Variants in GMDS observed in about 807,000 individuals in gnomAD.
GMDS encodes GDP-mannose 4,6 dehydratase.
In GMDS, 20 loss-of-function variants were observed where a neutral mutation model predicts 49.9. The ratio of observed to expected loss-of-function variants is 0.40; its 90% CI spans 0.28 to 0.58. The LOEUF (loss-of-function observed/expected upper bound fraction) is 0.58. GMDS is among the 20% of genes least tolerant of loss of function. The pLI, the probability that GMDS is intolerant of heterozygous loss-of-function variation, is 0.42. For missense variants in GMDS, 362 were observed against 481.4 expected, an observed-to-expected ratio of 0.75 and a Z score of 2.32; for synonymous variants, 177 against 178.6, an observed-to-expected ratio of 0.99 and a Z score of 0.07.
intron 4 of GMDS, among the ~76,000 whole-genome samples, chr6:2,085,416 G>T (rs768565392): frequency 1.4e-4 from 21 of 151,988 alleles, no homozygotes; most frequent in Non-Finnish European, 2.9e-5. Flanking sequence ...ATTTCATCTT[G>T]AATTAACATT....
chr6:2,022,662 T>C (rs969660096), intron 4 of GMDS, among the ~76,000 whole-genome samples: 2 of 152,228 alleles, frequency 1.3e-5, no homozygotes, highest in Admixed American at 1.3e-4. Flanking sequence ...AAGGTTCTAG[T>C]GCACAGAATT....
At chr6:2,051,538 G>A (rs1269170889) in intron 4 of GMDS, among the ~76,000 whole-genome samples, 2 of 152,102 alleles carry the variant, frequency 1.3e-5, no homozygotes, top group South Asian at 2.1e-4. Context: ...TATATAACTG[G>A]CTTTTATTTG....
At chr6:2,106,751 T>C (rs112327245) in intron 4 of GMDS, among the ~76,000 whole-genome samples, 3,498 of 151,888 alleles carry the variant, frequency 0.023, 78 homozygotes, top group South Asian at 0.08. Context: ...TAATCACAGC[T>C]ACTCGGGAGG....
intron 7 of GMDS, among the ~76,000 whole-genome samples, chr6:1,827,074 ATATATGTGTG>A (rs1334310956): frequency 1.3e-5 from 1 of 76,988 alleles, no homozygotes; most frequent in Non-Finnish European, 2.5e-5. Flanking sequence ...TTAAAAAAAT[ATATATGTGTG>A]TGTGTGTGTG....
At chr6:1,866,765 C>T (rs538630737) in intron 7 of GMDS, among the ~76,000 whole-genome samples, 2 of 152,308 alleles carry the variant, frequency 1.3e-5, no homozygotes, top group African/African-American at 4.8e-5. Context: ...TGAGCAGATG[C>T]TGCTGAACCT....
chr6:1,840,714 C>T (rs1757117872), intron 7 of GMDS, among the ~76,000 whole-genome samples: 2 of 152,146 alleles, frequency 1.3e-5, no homozygotes, highest in Admixed American at 1.3e-4. Context: ...GCTCTGGTGG[C>T]CAGCTAATCC....
intron 1 of GMDS, among the ~76,000 whole-genome samples, chr6:2,197,022 CCT>C (rs1779301300): frequency 6.6e-6 from 1 of 152,158 alleles, no homozygotes; most frequent in African/African-American, 2.4e-5. Flanking sequence ...GCAAGTTAAA[CCT>C]CTGTGTCCAG....
chr6:2,061,569 AC>A (rs1771173189), intron 4 of GMDS, among the ~76,000 whole-genome samples: 1 of 151,846 alleles, frequency 6.6e-6, no homozygotes, highest in Non-Finnish European at 1.5e-5. Flanking sequence ...ATACAAAAAA[AC>A]TAGCCGGGCA....
At chr6:2,243,421 A>C (rs1179879743) in intron 1 of GMDS, among the ~76,000 whole-genome samples, 3 of 152,218 alleles carry the variant, frequency 2.0e-5, no homozygotes, top group Non-Finnish European at 4.4e-5. Context: ...ACAGCACATT[A>C]GTTAAGATGT....
intron 4 of GMDS, among the ~76,000 whole-genome samples, chr6:2,039,800 T>C (rs1211887574): frequency 2.6e-5 from 4 of 152,190 alleles, no homozygotes; most frequent in African/African-American, 9.6e-5. Flanking sequence ...AGCTGTTTTA[T>C]AGTTAACTTT....
intron 1 of GMDS, among the ~76,000 whole-genome samples, chr6:2,192,394 C>T (rs1449396554): frequency 6.6e-6 from 1 of 152,204 alleles, no homozygotes; most frequent in African/African-American, 2.4e-5. Context: ...GGTCACAAGA[C>T]AAGAACTCAG....
chr6:2,061,710 C>A (rs1443717138), intron 4 of GMDS, among the ~76,000 whole-genome samples: 1 of 113,448 alleles, frequency 8.8e-6, no homozygotes. Context: ...CAGTGCAAGA[C>A]TCTGTCTCAA....
intron 9 of GMDS, among the ~76,000 whole-genome samples, chr6:1,709,780 G>A (rs1272920426): frequency 6.6e-6 from 1 of 152,220 alleles, no homozygotes; most frequent in Non-Finnish European, 1.5e-5. Context: ...CTAGGATTTA[G>A]AGATGGGACT....
intron 9 of GMDS, among the ~76,000 whole-genome samples, chr6:1,695,907 G>GTTTTTTTTTTTTTTT (rs11366742): frequency 2.4e-5 from 3 of 124,410 alleles, no homozygotes; most frequent in African/African-American, 9.2e-5. Context: ...TTCTGTCTTG[G>GTTTTTTTTTTTTTTT]TTTTTTTTTT....
chr6:1,734,867 T>C (rs566890980), intron 8 of GMDS, among the ~76,000 whole-genome samples: 1 of 152,246 alleles, frequency 6.6e-6, no homozygotes, highest in African/African-American at 2.4e-5. Flanking sequence ...ATAATAATGA[T>C]AATGGTAACA....
intron 1 of GMDS, among the ~76,000 whole-genome samples, chr6:2,185,998 A>G (rs1051325628): frequency 2.9e-4 from 44 of 152,082 alleles, no homozygotes; most frequent in African/African-American, 1.1e-3. Flanking sequence ...AAGTTAACAT[A>G]TATTTATTAA....
intron 8 of GMDS, among the ~76,000 whole-genome samples, chr6:1,727,944 T>C (rs1329482135): frequency 6.6e-6 from 1 of 152,192 alleles, no homozygotes; most frequent in Admixed American, 6.5e-5. Flanking sequence ...CAAAAAGGGA[T>C]GTTTGGTAAT....
At chr6:2,025,460 G>A (rs1218072105) in intron 4 of GMDS, among the ~76,000 whole-genome samples, 1 of 148,238 alleles carries the variant, frequency 6.7e-6, no homozygotes, top group Non-Finnish European at 1.5e-5. Context: ...AAATGTTCAT[G>A]TCAAGAAAAT....
rs371499680 is a variant in GMDS, at chr6:2,044,526, C to T, written c.345+71245G>A. 2.4e-4 allele frequency among the ~76,000 whole-genome samples: 36 copies of T among 152,182 alleles called. No individual in the cohort carries two copies. In the South Asian group the frequency reaches 7.5e-3, roughly 32 times the overall value. Reference sequence around the variant, plus strand: ...AAGCTAAATGATGAGAACACATGGACATACAGAGGAAAACAACAGACACTG... The same window carrying T: ...AAGCTAAATGATGAGAACACATGGATATACAGAGGAAAACAACAGACACTG... On this transcript the variant is annotated intron_variant, in intron 4 of 10. Coordinates refer to ENST00000380815, the MANE Select transcript of GMDS (RefSeq NM_001500.4).
Sources: gnomAD v4.1 joint callset for allele counts (sites outside exome capture counted in the v4.1 genomes callset) on GRCh38, gnomAD v4.1.1 for gene constraint, MANE v1.5 for transcripts, NCBI Gene and HGNC (gene_info 2026-07-23, HGNC 2026-07-21) for gene names.